Variants in NEK11 observed in about 807,000 individuals in gnomAD.
NEK11 encodes serine/threonine-protein kinase Nek11.
A neutral mutation model predicts 80.7 loss-of-function variants in NEK11; 72 were observed. The observed-to-expected ratio is 0.89, with a 90% CI of 0.74 to 1.08. The LOEUF (loss-of-function observed/expected upper bound fraction) is 1.08. Ranked by LOEUF, NEK11 falls within the 50% of genes least tolerant of loss-of-function variation. The pLI is 0.00. For missense variants in NEK11, 764 were observed against 763.6 expected (o/e 1.00, Z -0.01); for synonymous variants, 251 against 260.7 (o/e 0.96, Z 0.36).
intron 4 of NEK11, among the ~76,000 whole-genome samples, chr3:131,093,743 A>G (rs1265339976): frequency 6.6e-6 from 1 of 152,148 alleles, no homozygotes; most frequent in Non-Finnish European, 1.5e-5. Context: ...CCCTTGGAAT[A>G]TTAGTGAAAT....
At chr3:131,090,868 G>A (rs1055524569) in intron 4 of NEK11, among the ~76,000 whole-genome samples, 2 of 152,118 alleles carry the variant, frequency 1.3e-5, no homozygotes, top group African/African-American at 2.4e-5. Flanking sequence ...GGACTCAAAT[G>A]CTCTTCCCAC....
chr3:131,119,554 A>G (rs1216727619), intron 5 of NEK11, among the ~76,000 whole-genome samples: 3 of 152,112 alleles, frequency 2.0e-5, no homozygotes, highest in African/African-American at 7.2e-5. Flanking sequence ...TGTTCTGCCT[A>G]ATGTTGACAG....
intron 5 of NEK11, among the ~76,000 whole-genome samples, chr3:131,130,368 C>T (rs77312157): frequency 0.21 from 32,148 of 151,824 alleles, 3,703 homozygotes; most frequent in African/African-American, 0.32. Context: ...CTTAGCTGAT[C>T]ATGTCATCTG....
At chr3:131,214,828 T>A (rs79887771) in intron 14 of NEK11, among the ~76,000 whole-genome samples, 1 of 152,054 alleles carries the variant, frequency 6.6e-6, no homozygotes. Flanking sequence ...AAAACAGTAC[T>A]GTACTGTACT....
At chr3:131,160,132 T>C (rs1325882124) in intron 10 of NEK11, among the ~76,000 whole-genome samples, 3 of 151,552 alleles carry the variant, frequency 2.0e-5, no homozygotes, top group Admixed American at 6.6e-5. Context: ...AATCGTGAGG[T>C]TTTCCAAGGT....
At chr3:131,079,178 C>T (rs930130874) in intron 3 of NEK11, among the ~76,000 whole-genome samples, 1 of 152,132 alleles carries the variant, frequency 6.6e-6, no homozygotes, top group Non-Finnish European at 1.5e-5. Context: ...GCATAACTGG[C>T]ATTAGCAGGC....
chr3:131,200,123 A>G (rs2094170872), intron 14 of NEK11, among the ~76,000 whole-genome samples: 1 of 152,198 alleles, frequency 6.6e-6, no homozygotes. Context: ...AAAACCAATA[A>G]ATTACTTTCA....
chr3:131,032,095 G>T (rs1469035505), intron 3 of NEK11, among the ~76,000 whole-genome samples: 2 of 151,766 alleles, frequency 1.3e-5, no homozygotes, highest in Non-Finnish European at 2.9e-5. Context: ...CCAAGTAGCT[G>T]GGATTACAGG....
chr3:131,195,444 G>A (rs571381413), intron 14 of NEK11, among the ~76,000 whole-genome samples: 29 of 54,444 alleles, frequency 5.3e-4, no homozygotes, highest in African/African-American at 9.0e-4. Context: ...TGAAATGTCT[G>A]TTTGTCTTGG....
intron 3 of NEK11, among the ~76,000 whole-genome samples, chr3:131,075,346 AAC>A (rs1231274104): frequency 2.0e-5 from 3 of 152,240 alleles, no homozygotes; most frequent in African/African-American, 7.2e-5. Context: ...AAGGAAAAAC[AAC>A]AGAAATAAAA....
chr3:131,142,286 A>G (rs545321667), intron 7 of NEK11, among the ~76,000 whole-genome samples: 27 of 152,326 alleles, frequency 1.8e-4, no homozygotes, highest in Middle Eastern at 6.8e-3. Flanking sequence ...AGAGCAATCA[A>G]TCTACCAGGG....
intron 5 of NEK11, among the ~76,000 whole-genome samples, chr3:131,127,097 C>G (rs1441766486): frequency 6.6e-6 from 1 of 151,580 alleles, no homozygotes; most frequent in African/African-American, 2.4e-5. Flanking sequence ...TCCTGAGTAG[C>G]TGGAACTACA....
intron 3 of NEK11, among the ~76,000 whole-genome samples, chr3:131,060,159 G>C (rs182672053): frequency 6.6e-6 from 1 of 152,236 alleles, no homozygotes; most frequent in East Asian, 1.9e-4. Context: ...AGTGTCCCCT[G>C]TTAAAAGACA....
intron 17 of NEK11, among the ~76,000 whole-genome samples, chr3:131,273,841 T>C (rs1045892952): frequency 2.0e-5 from 3 of 152,228 alleles, no homozygotes; most frequent in Admixed American, 6.5e-5. Flanking sequence ...TTCTCATCCA[T>C]GCTAATGTTT....
Position 131,243,444 on chromosome 3 carries a change from T to A in NEK11, c.1569T>A (p.Asp523Glu). The A allele has an allele frequency of 6.2e-7, 1 of 1,612,778 alleles. No individual in the cohort carries two copies. The highest frequency in any genetic ancestry group is 1.1e-5 in the South Asian group (1 of 91,026). ...PAYRTNQQDS[D>E]IEALARCLEN... ...CTCCCTTATTTTGACAGGACAGTGA[T>A]ATCGAAGCGTTGGCCAGGTGTTTGG... Residue 523 changes from aspartate to glutamate, a missense_variant, in exon 16 of 18, where the codon GAT (aspartate) becomes GAA (glutamate). Transcript: ENST00000383366.
chr3:131,108,883 A>G (rs2079614705), intron 4 of NEK11, among the ~76,000 whole-genome samples: 1 of 152,124 alleles, frequency 6.6e-6, no homozygotes, highest in East Asian at 1.9e-4. Context: ...GCTGAACTCA[A>G]AAGAAGCTAT....
chr3:131,229,675 T>C (rs2095290498), intron 15 of NEK11, among the ~76,000 whole-genome samples: 2 of 152,052 alleles, frequency 1.3e-5, no homozygotes. Flanking sequence ...TGTGTCATAA[T>C]ATTCAATAAA....
At chr3:131,116,811 C>G (rs1277190710) in intron 5 of NEK11, among the ~76,000 whole-genome samples, 4 of 151,934 alleles carry the variant, frequency 2.6e-5, no homozygotes, top group African/African-American at 9.7e-5. Context: ...TTGCCCACTT[C>G]TTGATGGGGT....
At chr3:131,242,620 G>A (rs755268909) in intron 15 of NEK11, among the ~76,000 whole-genome samples, 5 of 152,156 alleles carry the variant, frequency 3.3e-5, no homozygotes, top group African/African-American at 7.2e-5. Context: ...GTTTGACCAT[G>A]TTGGCCAGTC....
Sources: gnomAD v4.1 joint callset for allele counts (sites outside exome capture counted in the v4.1 genomes callset) on GRCh38, gnomAD v4.1.1 for gene constraint, MANE v1.5 for transcripts, NCBI Gene and HGNC (gene_info 2026-07-23, HGNC 2026-07-21) for gene names.